Variants in SLC30A9 observed in about 807,000 individuals in gnomAD.
SLC30A9 encodes proton-coupled zinc antiporter SLC30A9, mitochondrial.
In SLC30A9, 58 loss-of-function variants were observed where a neutral mutation model predicts 87.5. The ratio of observed to expected loss-of-function variants is 0.66; its 90% confidence interval spans 0.54 to 0.82. The LOEUF is 0.82. Among genes scored for constraint, SLC30A9 ranks in the 40% least tolerant of loss-of-function variants. SLC30A9 has a pLI of 0.00. For synonymous variants in SLC30A9, 234 were observed against 233.0 expected (o/e 1.00, Z -0.04); for missense variants, 557 against 679.1 (o/e 0.82, Z 2.00).
intron 2 of SLC30A9, among the ~76,000 whole-genome samples, chr4:42,016,757 A>G (rs980431671): frequency 1.3e-5 from 2 of 152,014 alleles, no homozygotes; most frequent in African/African-American, 4.8e-5. Flanking sequence ...GTTTGTTACT[A>G]TGCACTGCTG....
intron 8 of SLC30A9, among the ~76,000 whole-genome samples, chr4:42,041,337 T>G (rs543837084): frequency 6.6e-6 from 1 of 151,986 alleles, no homozygotes; most frequent in East Asian, 1.9e-4. Context: ...CAGGCTGGAG[T>G]GCAGTGGTGC....
At chr4:42,052,855 CATAAA>C (rs1717437193) in intron 9 of SLC30A9, among the ~76,000 whole-genome samples, 1 of 152,178 alleles carries the variant, frequency 6.6e-6, no homozygotes, top group African/African-American at 2.4e-5. Context: ...GAAACAATAT[CATAAA>C]ATAAGATTTA....
At chr4:42,013,705 A>C (rs535052339) in intron 2 of SLC30A9, among the ~76,000 whole-genome samples, 5 of 152,342 alleles carry the variant, frequency 3.3e-5, no homozygotes, top group African/African-American at 4.8e-5. Flanking sequence ...CAGAAGCATG[A>C]AACTAGACCC....
chr4:42,083,611 A>T (rs10805096), intron 17 of SLC30A9, among the ~76,000 whole-genome samples: 99,069 of 151,858 alleles, frequency 0.65, 36,801 homozygotes, highest in East Asian at 0.96. Context: ...GCTTTTTTTT[A>T]AGATAAAGCT....
At chr4:42,048,119 C>G (rs1577707376) in intron 8 of SLC30A9, among the ~76,000 whole-genome samples, 1 of 152,216 alleles carries the variant, frequency 6.6e-6, no homozygotes, top group South Asian at 2.1e-4. Flanking sequence ...GGAGAAATAC[C>G]TAATGTAGAT....
At chr4:42,063,170 TTG>T in intron 11 of SLC30A9, 49 bp downstream of exon 11, 1 of 1,563,826 alleles carries the variant, frequency 6.4e-7, no homozygotes, top group Non-Finnish European at 8.8e-7. Context: ...GACATAGTGA[TTG>T]TGTACAGTAG....
chr4:42,012,241 A>G (rs183296571), intron 2 of SLC30A9, among the ~76,000 whole-genome samples: 3 of 152,336 alleles, frequency 2.0e-5, no homozygotes, highest in East Asian at 3.9e-4. Context: ...TCAGAATACT[A>G]TCAGCCTAAT....
In SLC30A9 at chr4:42,001,751, G is replaced by C. The variant is rs148515839; in HGVS notation, c.245G>C (p.Arg82Thr). ...GAAGGACAGGGATCACAAACACTCA[G>C]AGTGGAAAAAGTACCATCATTTGAA... ...QKEGQGSQTLRVEKVPSFETA... is the reference protein window; with the variant it reads ...QKEGQGSQTLTVEKVPSFETA... The change falls in exon 2 of 18, where the codon AGA (arginine) becomes ACA (threonine). Residue 82 changes from arginine (R) to threonine (T), a missense_variant. By Grantham distance (71) the Arg-to-Thr change is moderately conservative. Around this residue, in one of 2 missense-constraint regions of SLC30A9, gnomAD observed 467 missense variants for 529.8 expected, o/e 0.88. Coordinates refer to ENST00000264451, the MANE Select transcript of SLC30A9 (RefSeq NM_006345.4). 1.2e-6 allele frequency: 2 copies of C among 1,609,852 alleles called. No homozygotes were observed. The highest frequency in any genetic ancestry group is 2.2e-5 in the South Asian group (2 of 90,370).
chr4:42,064,757 C>A (rs1718014950), intron 11 of SLC30A9, among the ~76,000 whole-genome samples: 1 of 151,964 alleles, frequency 6.6e-6, no homozygotes, highest in African/African-American at 2.4e-5. Flanking sequence ...AGACTATGGC[C>A]CTTTTTAAAA....
chr4:42,030,012 AC>A, intron 6 of SLC30A9: 1 of 875,276 alleles, frequency 1.1e-6, no homozygotes, highest in Non-Finnish European at 1.8e-6. Context: ...CACCAACCTT[AC>A]CATGGACACT....
intron 2 of SLC30A9, among the ~76,000 whole-genome samples, chr4:42,012,678 A>C (rs897224927): frequency 6.6e-6 from 1 of 152,212 alleles, no homozygotes; most frequent in African/African-American, 2.4e-5. Flanking sequence ...CTATTGTGCT[A>C]TCAAATAGTA....
In SLC30A9 at chr4:42,022,835, T is replaced by C. The variant is rs765794825; in HGVS notation, c.435-3T>C. On this transcript the variant is annotated splice_region_variant and splice_polypyrimidine_tract_variant and intron_variant, in intron 4 of 17. Coordinates refer to ENST00000264451, the MANE Select transcript of SLC30A9 (RefSeq NM_006345.4). ...AATAAATTCAACATGTTTCTTTCTC[T>C]AGTGATCTAGAACAACTTCGAAAAA... 5 of 1,555,918 alleles carry C rather than the reference T, an allele frequency of 3.2e-6. No individual in the cohort carries two copies. The highest frequency in any genetic ancestry group is 3.5e-6 in the Non-Finnish European group (4 of 1,136,762).
chr4:42,060,328 T>C, intron 10 of SLC30A9, 82 bp downstream of exon 10: 6 of 1,023,978 alleles, frequency 5.9e-6, no homozygotes, highest in Admixed American at 1.7e-5. Flanking sequence ...TCTCCTGCAA[T>C]TTATGTACCT....
intron 17 of SLC30A9, among the ~76,000 whole-genome samples, chr4:42,080,213 G>A (rs538208705): frequency 2.8e-4 from 43 of 152,232 alleles, no homozygotes; most frequent in Admixed American, 1.4e-3. Context: ...TGAAGGTAGG[G>A]GGCACAGTCT....
intron 2 of SLC30A9, among the ~76,000 whole-genome samples, chr4:42,010,609 T>G (rs1160895575): frequency 1.3e-5 from 2 of 152,236 alleles, no homozygotes; most frequent in Non-Finnish European, 2.9e-5. Context: ...TTATTTCAAA[T>G]AGGGCTTTGC....
intron 7 of SLC30A9, among the ~76,000 whole-genome samples, chr4:42,037,932 G>A (rs1039461959): frequency 6.6e-6 from 1 of 151,938 alleles, no homozygotes; most frequent in African/African-American, 2.4e-5. Flanking sequence ...TACCACAGCC[G>A]GCTGATTTTT....
At chr4:42,031,957 T>A (rs1325809456) in intron 6 of SLC30A9, among the ~76,000 whole-genome samples, 1 of 152,276 alleles carries the variant, frequency 6.6e-6, no homozygotes, top group East Asian at 1.9e-4. Flanking sequence ...GAAAAGAGGT[T>A]TAATTAGCTC....
chr4:42,003,609 G>A (rs1715074855), intron 2 of SLC30A9, among the ~76,000 whole-genome samples: 1 of 151,912 alleles, frequency 6.6e-6, no homozygotes, highest in Non-Finnish European at 1.5e-5. Flanking sequence ...CCCATCCTTT[G>A]ATTTTAACTT....
chr4:42,033,765 C>T lies in SLC30A9; in HGVS notation c.611-1510C>T, dbSNP rs990358785. Among the ~76,000 whole-genome samples the T allele has an allele frequency of 4.6e-5, 7 of 152,146 alleles. No individual in the cohort carries two copies. The East Asian group carries it at 7.7e-4, about 17-fold the overall frequency. ...TAATTTTTTGTATTTTTAGTAGAGA[C>T]GGGGTTTCACCATGTTAGCCAGGAT... is the stretch of plus-strand genomic sequence containing the variant. On this transcript the variant is annotated intron_variant, in intron 6 of 17. Transcript: ENST00000264451.
Sources: gnomAD v4.1 joint callset for allele counts (sites outside exome capture counted in the v4.1 genomes callset) on GRCh38, gnomAD v4.1.1 for gene constraint, gnomAD v4.1.1 regional missense constraint, MANE v1.5 for transcripts, NCBI Gene and HGNC (gene_info 2026-07-23, HGNC 2026-07-21) for gene names.